LAMC3: variants seen among roughly 807,000 people sequenced by gnomAD.
LAMC3 encodes laminin subunit gamma-3.
A neutral mutation model predicts 173.8 loss-of-function variants in LAMC3; 128 were observed. The observed-to-expected ratio is 0.74, with a 90% CI of 0.64 to 0.85. The LOEUF (loss-of-function observed/expected upper bound fraction) is 0.85. Ranked by LOEUF, LAMC3 falls within the 40% of genes least tolerant of loss-of-function variation. LAMC3 has a pLI of 0.00. For synonymous variants in LAMC3, 897 were observed against 909.1 expected (o/e 0.99, Z 0.24); for missense variants, 2,022 against 2,156.0 (o/e 0.94, Z 1.23).
rs766860072 is a variant in LAMC3, at chr9:131,061,154, C to T, written c.2278C>T (p.Gln760Ter). 1.2e-6 allele frequency: 2 copies of T among 1,613,070 alleles called. No homozygotes were observed. Among genetic ancestry groups the T allele is most frequent in the East Asian group, 2.2e-5 (1 of 44,886 alleles). ...DDCQPCPCPG[Q>*]SACTTIPESR... ...CTGCCAGCCCTGTCCCTGCCCTGGC[C>T]AGTCGGCCTGTACGACCATCCCAGA... Residue 760 changes from glutamine (Q) to a stop codon, truncating the protein, a stop_gained, in exon 13 of 28, where the codon CAG becomes TAG. Coordinates refer to ENST00000361069, the MANE Select transcript of LAMC3 (RefSeq NM_006059.4). LOFTEE classifies it high-confidence loss of function.
intron 1 of LAMC3, among the ~76,000 whole-genome samples, chr9:131,010,347 AAAG>A (rs927359312): frequency 2.6e-5 from 4 of 152,094 alleles, no homozygotes. Flanking sequence ...AGAATGAAAA[AAAG>A]AAGAAAAAAA....
Position 131,085,735 on chromosome 9 carries a change from G to C in LAMC3, c.4230+12G>C. 3 of 1,613,844 alleles carry C rather than the reference G, an allele frequency of 1.9e-6. No homozygotes were observed. The highest frequency in any genetic ancestry group is 2.5e-6 in the Non-Finnish European group (3 of 1,179,770). ...AGGACAGTGCCAAGGTCAGGGTGGT[G>C]GCTGTGACAACAGTGGCCTCCTTCC... On this transcript the variant is annotated intron_variant, in intron 25 of 27. Transcript: ENST00000361069.
At chr9:131,079,956 C>A (rs947457565) in intron 23 of LAMC3, among the ~76,000 whole-genome samples, 1 of 152,170 alleles carries the variant, frequency 6.6e-6, no homozygotes, top group African/African-American at 2.4e-5. Flanking sequence ...CTTTCCAAGG[C>A]AGCTGTACCG....
intron 16 of LAMC3, 27 bp from the exon 17 acceptor site, chr9:131,069,645 A>C: frequency 6.3e-7 from 1 of 1,587,992 alleles, no homozygotes; most frequent in East Asian, 2.3e-5. Flanking sequence ...CTCTAAACCC[A>C]GCACGCACTG....
chr9:131,053,969 C>T (rs1375904576), intron 11 of LAMC3, among the ~76,000 whole-genome samples: 1 of 151,716 alleles, frequency 6.6e-6, no homozygotes, highest in Non-Finnish European at 1.5e-5. Flanking sequence ...TGCCACTGCA[C>T]TCCAGCCTGG....
chr9:131,042,239 C>T (rs984240376), intron 7 of LAMC3, among the ~76,000 whole-genome samples: 5 of 151,984 alleles, frequency 3.3e-5, no homozygotes, highest in African/African-American at 9.7e-5. Flanking sequence ...CCATGACAGA[C>T]ACCACTAACG....
At chr9:131,016,753 T>G (rs1253823642) in intron 1 of LAMC3, among the ~76,000 whole-genome samples, 1 of 152,212 alleles carries the variant, frequency 6.6e-6, no homozygotes, top group African/African-American at 2.4e-5. Flanking sequence ...TGTGGAATCA[T>G]CAGATTTATA....
At chr9:131,055,183 A>G (rs2133287486) in intron 11 of LAMC3, among the ~76,000 whole-genome samples, 1 of 152,102 alleles carries the variant, frequency 6.6e-6, no homozygotes, top group South Asian at 2.1e-4. Flanking sequence ...AAGAGGGAGC[A>G]TTTTCCATTT....
At chr9:131,084,811 A>T (rs1442187938) in intron 24 of LAMC3, among the ~76,000 whole-genome samples, 2 of 151,914 alleles carry the variant, frequency 1.3e-5, no homozygotes, top group African/African-American at 2.4e-5. Flanking sequence ...AGGCAGGAAA[A>T]TTGCTTAAAC....
chr9:131,078,619 A>G (rs1294673031), intron 22 of LAMC3, among the ~76,000 whole-genome samples: 1 of 152,246 alleles, frequency 6.6e-6, no homozygotes, highest in African/African-American at 2.4e-5. Context: ...AGTAATGCAC[A>G]GCTGTTAGTG....
At chr9:131,031,999 A>G (rs1321575984) in intron 2 of LAMC3, 46 bp from the exon 3 acceptor site, 4 of 1,612,602 alleles carry the variant, frequency 2.5e-6, no homozygotes, top group Admixed American at 1.7e-5. Flanking sequence ...GGTAAATACT[A>G]AATACTCAGG....
In LAMC3 at chr9:131,085,542, C is replaced by T; in HGVS notation, c.4049C>T (p.Pro1350Leu). The change falls in exon 25 of 28, where the codon CCC (proline) becomes CTC (leucine). Residue 1350 changes from proline to leucine, a missense_variant. Pro to Leu is a moderately conservative substitution (Grantham distance 98). Transcript: ENST00000361069. ...TTTGCAGGAATGAAGCTGCAGTTTC[C>T]CCGGCCCAAGGACCAGGCGGCATTG... ...ADLEGMKLQF[P>L]RPKDQAALQR... 3 of 1,613,992 alleles carry T rather than the reference C, an allele frequency of 1.9e-6. No homozygotes were observed. The highest frequency in any genetic ancestry group is 1.7e-6 in the Non-Finnish European group (2 of 1,180,028).
At chr9:131,068,380 G>A (rs1008519884) in intron 15 of LAMC3, 149 bp downstream of exon 15, 52 of 808,316 alleles carry the variant, frequency 6.4e-5, no homozygotes, top group Non-Finnish European at 9.0e-5. Context: ...GGGAGCAAAG[G>A]GATGGACTCT....
Position 131,009,749 on chromosome 9 carries a change from G to C in LAMC3, c.373+162G>C, listed in dbSNP as rs1833378364. 6.6e-6 allele frequency among the ~76,000 whole-genome samples: 1 copy of C among 152,164 alleles called. No individual in the cohort carries two copies. Among genetic ancestry groups the C allele is most frequent in the South Asian group, 2.1e-4 (1 of 4,824 alleles). ...AATAGGAATTAGGCTGGGTGCGGTGGCTCACTCCTGAAATCCCAGCACTTT... is the reference window on the plus strand; with the variant it reads ...AATAGGAATTAGGCTGGGTGCGGTGCCTCACTCCTGAAATCCCAGCACTTT... On this transcript the variant is annotated intron_variant, in intron 1 of 27. Coordinates refer to ENST00000361069, the MANE Select transcript of LAMC3 (RefSeq NM_006059.4). The surrounding 1 kb of genome is among the most constrained non-coding windows in gnomAD (Gnocchi z 4.3).
At chr9:131,019,310 A>G (rs1833586151) in intron 1 of LAMC3, among the ~76,000 whole-genome samples, 1 of 152,146 alleles carries the variant, frequency 6.6e-6, no homozygotes, top group Non-Finnish European at 1.5e-5. Context: ...CTCTCTCCCT[A>G]CCTGTAACCT....
Position 131,009,655 on chromosome 9 carries a change from G to T in LAMC3, c.373+68G>T. ...CACTCCACTGGGGGTCTGAGGCTGA[G>T]GCCTGAGCTGCTGTGCGCCCAGGTT... is the stretch of plus-strand genomic sequence containing the variant. On this transcript the variant is annotated intron_variant, in intron 1 of 27. Transcript: ENST00000361069. This position sits in a 1 kb window ranked among gnomAD's most constrained non-coding sequence, Gnocchi z 4.3. 3.3e-6 allele frequency: 5 copies of T among 1,527,312 alleles called. No individual in the cohort carries two copies. The highest frequency in any genetic ancestry group is 4.0e-5 in the Admixed American group (2 of 50,544). 94.6% of individuals were successfully genotyped at this position (1,527,312 alleles called of 1,614,324 possible).
intron 2 of LAMC3, among the ~76,000 whole-genome samples, chr9:131,031,228 C>A (rs146869472): frequency 6.6e-6 from 1 of 152,268 alleles, no homozygotes; most frequent in Admixed American, 6.5e-5. Flanking sequence ...GGAATCAAAA[C>A]GCTGATTAAT....
intron 14 of LAMC3, 105 bp from the exon 15 acceptor site, chr9:131,067,973 A>G: frequency 8.1e-7 from 1 of 1,232,398 alleles, no homozygotes; most frequent in Middle Eastern, 1.9e-4. Flanking sequence ...AATGTGCCGT[A>G]TCATCTCTGG....
chr9:131,091,390 C>T (rs1222357437), intron 27 of LAMC3, 147 bp from the exon 28 acceptor site: 9 of 1,103,778 alleles, frequency 8.2e-6, no homozygotes, highest in Admixed American at 2.0e-5. Flanking sequence ...CACCTCCCAG[C>T]CCTTCTGCTC....
Sources: allele counts gnomAD v4.1 joint callset (sites outside exome capture counted in the v4.1 genomes callset), GRCh38; gene constraint gnomAD v4.1.1; non-coding constraint Gnocchi (gnomAD v3.1); transcripts MANE v1.5; gene names NCBI Gene and HGNC (gene_info 2026-07-23, HGNC 2026-07-21).